CCDC97: variants seen among roughly 807,000 people sequenced by gnomAD.
CCDC97 encodes the protein coiled-coil domain-containing protein 97.
A neutral mutation model predicts 33.9 loss-of-function variants in CCDC97; 27 were observed. That is an observed-to-expected ratio of 0.80 (90% CI 0.59 to 1.10). The LOEUF (loss-of-function observed/expected upper bound fraction) is 1.10. Ranked by LOEUF, CCDC97 falls within the 50% of genes least tolerant of loss-of-function variation. The pLI, the probability that CCDC97 is intolerant of heterozygous loss-of-function variation, is 0.00. For synonymous variants in CCDC97, 217 were observed against 194.0 expected (o/e 1.12, Z -0.99); for missense variants, 422 against 476.6 (o/e 0.89, Z 1.07).
At position 41,316,760 on chromosome 19, in the gene CCDC97, G is replaced by T. The variant is rs371814241; in HGVS notation, c.423G>T (p.Arg141=). Residue 141 remains arginine (R), a synonymous_variant, in exon 2 of 5, where the codon CGG becomes CGT. Transcript: ENST00000269967. ...ACTTCTACTGTGCTGAGGTGGCCCG[G>T]CAGGGCACTGCCCGGCCCCGCACCC... The part of the protein sequence containing the change: ...RADFYCAEVA[R]QGTARPRTLR... The T allele has an allele frequency of 4.9e-5, 79 of 1,612,762 alleles. No individual in the cohort carries two copies. The highest frequency in any genetic ancestry group is 6.4e-5 in the Non-Finnish European group (76 of 1,179,362).
At position 41,316,481 on chromosome 19, in the gene CCDC97, A is replaced by T. The variant is rs1480954486; in HGVS notation, c.144A>T (p.Pro48=). Reference sequence around the variant, plus strand: ...AAGTGGAAGCAGCTGAGGCAACACCAGTGGCCCTGGACAGTGACACCTCCG... The same window carrying T: ...AAGTGGAAGCAGCTGAGGCAACACCTGTGGCCCTGGACAGTGACACCTCCG... ...QDKVEAAEAT[P]VALDSDTSGA... Residue 48 remains proline (P), a synonymous_variant, in exon 2 of 5, where the codon CCA becomes CCT. Coordinates refer to ENST00000269967, the MANE Select transcript of CCDC97 (RefSeq NM_052848.3). 7.4e-6 allele frequency: 12 copies of T among 1,614,068 alleles called. No homozygotes were observed. In the Admixed American group the frequency reaches 1.5e-4, roughly 20 times the overall value.
At chr19:41,316,886 G>C (rs1159538496) in intron 2 of CCDC97, 47 bp downstream of exon 2, 2 of 1,394,266 alleles carry the variant, frequency 1.4e-6, no homozygotes, top group South Asian at 2.6e-5. Flanking sequence ...GGGAGGGAGG[G>C]GAGACTGAGG....
chr19:41,322,651 A>C lies in CCDC97; in HGVS notation c.968A>C (p.Glu323Ala). 6.2e-7 allele frequency: 1 copy of C among 1,613,530 alleles called. No homozygotes were observed. Among genetic ancestry groups the C allele is most frequent in the Non-Finnish European group, 8.5e-7 (1 of 1,179,752 alleles). The change falls in exon 5 of 5, where the codon GAG becomes GCG. Residue 323 changes from glutamate (E) to alanine (A), a missense_variant. Glu to Ala is a moderately radical substitution (Grantham distance 107). Coordinates refer to ENST00000269967, the MANE Select transcript of CCDC97 (RefSeq NM_052848.3). ...CTCGACATCGTGGCACGGGATGAGGAGGAGAGGTACTTTGATGAGGAAGAA... is the reference window on the plus strand; with the variant it reads ...CTCGACATCGTGGCACGGGATGAGGCGGAGAGGTACTTTGATGAGGAAGAA... The part of the protein sequence containing the change: ...DNLDIVARDE[E>A]ERYFDEEEPE...
At chr19:41,319,944 A>G in intron 3 of CCDC97, 92 bp downstream of exon 3, 1 of 660,722 alleles carries the variant, frequency 1.5e-6, no homozygotes, top group South Asian at 1.9e-5. Flanking sequence ...TGGGCCCCCA[A>G]CCTGCAAAAG....
At chr19:41,322,489 C>T (rs1424168341) in intron 4 of CCDC97, 106 bp from the exon 5 acceptor site, 23 of 1,272,484 alleles carry the variant, frequency 1.8e-5, no homozygotes, top group East Asian at 1.2e-4. Context: ...TCAGCTCTGA[C>T]GGCTGCCAGC....
chr19:41,310,280 C>T lies in CCDC97; in HGVS notation c.-31C>T, dbSNP rs1399589294. On this transcript the variant is annotated 5_prime_UTR_variant, in exon 1 of 5. Transcript: ENST00000269967. ...GCCGGAGGTTAGTGTGCGGGGCCCG[C>T]CGGGCGGTTGAAAAGTCCGAGAGAA... 2 of 1,583,788 alleles carry T rather than the reference C, an allele frequency of 1.3e-6. No individual in the cohort carries two copies. Among genetic ancestry groups the T allele is most frequent in the African/African-American group, 1.3e-5 (1 of 74,314 alleles).
chr19:41,324,869 A>T lies in CCDC97; in HGVS notation c.*2154A>T, dbSNP rs1428798915. The stretch of plus-strand genomic sequence containing the variant: ...CATTTGGTCATTAAATTTGTTTACA[A>T]TATACTTTGCTATACGTAAATTTGT... On this transcript the variant is annotated 3_prime_UTR_variant, in exon 5 of 5. Coordinates refer to ENST00000269967, the MANE Select transcript of CCDC97 (RefSeq NM_052848.3). The T allele has an allele frequency of 6.6e-6, 1 of 152,258 alleles. No homozygotes were observed. Among genetic ancestry groups the T allele is most frequent in the South Asian group, 2.1e-4 (1 of 4,832 alleles). 9.4% of individuals were successfully genotyped at this position (152,258 alleles called of 1,614,324 possible).
intron 2 of CCDC97, among the ~76,000 whole-genome samples, chr19:41,318,242 A>C (rs888641769): frequency 9.2e-5 from 14 of 152,018 alleles, no homozygotes; most frequent in Admixed American, 6.5e-4. Flanking sequence ...TGAGATAAGG[A>C]GTTCAAGACC....
intron 1 of CCDC97, among the ~76,000 whole-genome samples, chr19:41,313,332 G>A (rs1473618264): frequency 6.6e-6 from 1 of 152,074 alleles, no homozygotes; most frequent in African/African-American, 2.4e-5. Context: ...TGAGGAGTCT[G>A]GAGGCCCGTG....
intron 2 of CCDC97, among the ~76,000 whole-genome samples, 178 bp from the exon 3 acceptor site, chr19:41,319,396 A>C (rs552377097): frequency 2.0e-5 from 3 of 152,216 alleles, no homozygotes; most frequent in South Asian, 4.2e-4. Flanking sequence ...AGGCGCCTGC[A>C]TGAGTACTCA....
rs2037675427 is a variant in CCDC97 at position 41,310,874 on chromosome 19, G to C, written c.46+518G>C. On this transcript the variant is annotated intron_variant, in intron 1 of 4. Coordinates refer to ENST00000269967, the MANE Select transcript of CCDC97 (RefSeq NM_052848.3). ...GAAATCCAGCCAGGCTCCTTTCAAAGTCCTTACTCAATTTCTGTGCTTTCC... is the reference window on the plus strand; with the variant it reads ...GAAATCCAGCCAGGCTCCTTTCAAACTCCTTACTCAATTTCTGTGCTTTCC... The C allele has an allele frequency of 5.1e-6, 5 of 988,716 alleles. No homozygotes were observed. The South Asian group carries it at 2.3e-4, about 45-fold the overall frequency. 61.2% of individuals were successfully genotyped at this position (988,716 alleles called of 1,614,324 possible). A position where few individuals can be genotyped will look rare whatever the true frequency, so the allele number is the denominator to read the frequency against.
chr19:41,319,436 T>C, intron 2 of CCDC97, 138 bp from the exon 3 acceptor site: 1 of 661,794 alleles, frequency 1.5e-6, no homozygotes, highest in Non-Finnish European at 2.6e-6. Flanking sequence ...CATGTTTTCC[T>C]GTGTTTTTGA....
intron 1 of CCDC97, 140 bp from the exon 2 acceptor site, chr19:41,316,244 C>T (rs1214127431): frequency 1.6e-6 from 1 of 626,530 alleles, no homozygotes; most frequent in Non-Finnish European, 2.8e-6. Context: ...TCAACTTTTG[C>T]TCACTGTGGT....
At chr19:41,312,060 A>G (rs374422506) in intron 1 of CCDC97, among the ~76,000 whole-genome samples, 46 of 151,958 alleles carry the variant, frequency 3.0e-4, no homozygotes, top group African/African-American at 1.0e-3. Context: ...ATGTTGTTCA[A>G]TTCAGTCCCC....
rs2037838218 is a variant in CCDC97, at chr19:41,322,759, C to A, written c.*44C>A. 6.2e-7 allele frequency: 1 copy of A among 1,601,204 alleles called. No individual in the cohort carries two copies. The highest frequency in any genetic ancestry group is 1.7e-5 in the Admixed American group (1 of 59,026). On this transcript the variant is annotated 3_prime_UTR_variant, in exon 5 of 5. Coordinates refer to ENST00000269967, the MANE Select transcript of CCDC97 (RefSeq NM_052848.3). ...CCGCCTGCCCCATCCCCATCCCCAA[C>A]AAGGCAGCTGATTCCAGGCCTGCTC...
intron 1 of CCDC97, among the ~76,000 whole-genome samples, chr19:41,315,172 T>C (rs1378730216): frequency 6.6e-6 from 1 of 150,514 alleles, no homozygotes; most frequent in Non-Finnish European, 1.5e-5. Context: ...TGGTGGCAGG[T>C]ACCTGTAATC....
rs1031053309 is a variant in CCDC97 at position 41,324,441 on chromosome 19, C to G, written c.*1726C>G. The G allele has an allele frequency of 2.6e-5, 4 of 152,228 alleles. No individual in the cohort carries two copies. The highest frequency in any genetic ancestry group is 7.2e-5 in the African/African-American group (3 of 41,446). The allele number at this position is 152,228 out of a possible 1,614,324, so 9.4% of individuals were successfully genotyped here. On this transcript the variant is annotated 3_prime_UTR_variant, in exon 5 of 5. Transcript: ENST00000269967. ...GGTGTCAGGGCCATCCAGAGTGAGACAGCATTGGAGGGACAAGTGTGCATG... is the reference window on the plus strand; with the variant it reads ...GGTGTCAGGGCCATCCAGAGTGAGAGAGCATTGGAGGGACAAGTGTGCATG...
chr19:41,313,335 G>A (rs2037709000), intron 1 of CCDC97, among the ~76,000 whole-genome samples: 1 of 152,122 alleles, frequency 6.6e-6, no homozygotes, highest in South Asian at 2.1e-4. Context: ...GGAGTCTGGA[G>A]GCCCGTGTAG....
rs750870913 is a variant in CCDC97, at chr19:41,316,729, G to A, written c.392G>A (p.Arg131His). 4.6e-5 allele frequency: 75 copies of A among 1,613,690 alleles called. No individual in the cohort carries two copies. The highest frequency in any genetic ancestry group is 6.6e-5 in the South Asian group (6 of 91,074). The change falls in exon 2 of 5, where the codon CGT becomes CAT. Residue 131 changes from arginine to histidine, a missense_variant. Physicochemically the swap from Arg to His is conservative, Grantham distance 29. Transcript: ENST00000269967. ...TTTGGCCACGTGCGTGGCGACCACC[G>A]TGCAGACTTCTACTGTGCTGAGGTG... ...ACFGHVRGDHRADFYCAEVAR... is the reference protein window; with the variant it reads ...ACFGHVRGDHHADFYCAEVAR...
Sources: gnomAD v4.1 joint callset for allele counts (sites outside exome capture counted in the v4.1 genomes callset) on GRCh38, gnomAD v4.1.1 for gene constraint, MANE v1.5 for transcripts, NCBI Gene and HGNC (gene_info 2026-07-23, HGNC 2026-07-21) for gene names.